DVL2: variants seen among roughly 807,000 people sequenced by gnomAD.
DVL2 encodes dishevelled segment polarity protein 2, also known as segment polarity protein dishevelled homolog DVL-2.
In DVL2, 38 loss-of-function variants were observed where a neutral mutation model predicts 69.8. That is an observed-to-expected ratio of 0.54 (90% CI 0.42 to 0.71). The LOEUF (loss-of-function observed/expected upper bound fraction) is 0.71, where lower values mean the gene tolerates loss of function less well. DVL2 is among the 30% of genes least tolerant of loss of function. DVL2 has a pLI of 0.00. For missense variants in DVL2, 931 were observed against 1,008.1 expected, an observed-to-expected ratio of 0.92 and a Z score of 1.04; for synonymous variants, 428 against 392.4, an observed-to-expected ratio of 1.09 and a Z score of -1.07.
At position 7,227,203 on chromosome 17, in the gene DVL2, T is replaced by C; in HGVS notation, c.1430A>G (p.Lys477Arg). ...TGCTTTGAGCAGCCCGCTGGCATAC[T>C]TGCGGGCCTCCCGCCGCTCAGGAAA... ...EGFPERREARKYASGLLKAGL... is the reference protein window; with the variant it reads ...EGFPERREARRYASGLLKAGL... The change falls in exon 13 of 15, where the codon AAG becomes AGG. Residue 477 changes from lysine to arginine, a missense_variant. Around this residue, in one of 3 missense-constraint regions of DVL2, gnomAD observed 62 missense variants for 105.7 expected, o/e 0.59. Coordinates refer to ENST00000005340, the MANE Select transcript of DVL2 (RefSeq NM_004422.3). 2 of 1,613,300 alleles carry C rather than the reference T, an allele frequency of 1.2e-6. No homozygotes were observed. Among genetic ancestry groups the C allele is most frequent in the African/African-American group, 1.3e-5 (1 of 75,060 alleles).
chr17:7,226,189 G>A lies in DVL2; in HGVS notation c.1887C>T (p.Gly629=). 6.2e-7 allele frequency: 1 copy of A among 1,612,010 alleles called. No individual in the cohort carries two copies. The highest frequency in any genetic ancestry group is 8.5e-7 in the Non-Finnish European group (1 of 1,179,326). ...GSESEPSSRG[G]SLRRGGEASG... is the part of the protein sequence containing the mutation. ...TTGCTTCCCCACCCCGCCGAAGGCT[G>A]CCCCCTCGGCTGGAGGGCTCAGACT... The change falls in exon 15 of 15, where the codon GGC becomes GGT. Residue 629 remains glycine (G), a synonymous_variant. Coordinates refer to ENST00000005340, the MANE Select transcript of DVL2 (RefSeq NM_004422.3).
chr17:7,229,642 G>A lies in DVL2; in HGVS notation c.693C>T (p.Arg231=). Residue 231 remains arginine, a synonymous_variant, in exon 6 of 15, where the codon CGC becomes CGT. Coordinates refer to ENST00000005340, the MANE Select transcript of DVL2 (RefSeq NM_004422.3). This position sits in a 1 kb window ranked among gnomAD's most constrained non-coding sequence, Gnocchi z 4.4. The part of the protein sequence containing the change: ...SSSTEQSSAS[R]LLKRHRRRRK... ...TTCGCCGCCGGTGGCGCTTAAGGAG[G>A]CGGGAGGCACTGCTCTGCTCCGTGG... 1.3e-6 allele frequency: 2 copies of A among 1,552,472 alleles called. No individual in the cohort carries two copies. The highest frequency in any genetic ancestry group is 1.7e-6 in the Non-Finnish European group (2 of 1,150,646).
rs2071426980 is a variant in DVL2, at chr17:7,225,448, G to A, written c.*417C>T. ...AATCTCCCAGCTTCCTCAGGCTGCT[G>A]TCTAGGATGCCTAACCCCGGGGTAC... On this transcript the variant is annotated 3_prime_UTR_variant, in exon 15 of 15. Coordinates refer to ENST00000005340, the MANE Select transcript of DVL2 (RefSeq NM_004422.3). 2.3e-6 allele frequency: 1 copy of A among 438,314 alleles called. No individual in the cohort carries two copies. Among genetic ancestry groups the A allele is most frequent in the Admixed American group, 3.8e-5 (1 of 26,616 alleles). The allele number at this position is 438,314 out of a possible 1,614,324, so 27.2% of individuals were successfully genotyped here. A position where few individuals can be genotyped will look rare whatever the true frequency, so the allele number is the denominator to read the frequency against.
In DVL2 at chr17:7,234,400, A is replaced by T. The variant is rs1218366246; in HGVS notation, c.-138T>A. The T allele has an allele frequency of 2.0e-6, 2 of 1,011,530 alleles. No individual in the cohort carries two copies. The highest frequency in any genetic ancestry group is 5.7e-5 in the East Asian group (2 of 35,202). 62.7% of individuals were successfully genotyped at this position (1,011,530 alleles called of 1,614,324 possible). ...TACGGGAGAGAAGCAAAGGGGAAAA[A>T]GCACGGATCTGCGAGGGTGGCGGCG... On this transcript the variant is annotated 5_prime_UTR_variant, in exon 1 of 15. Coordinates refer to ENST00000005340, the MANE Select transcript of DVL2 (RefSeq NM_004422.3).
At chr17:7,231,449 A>AC (rs2071542120) in intron 1 of DVL2, among the ~76,000 whole-genome samples, 1 of 50,698 alleles carries the variant, frequency 2.0e-5, no homozygotes, top group Admixed American at 1.9e-4. Context: ...GGCGGCTCAA[A>AC]AAAAAAAAAA....
Position 7,234,513 on chromosome 17 carries a change from T to C in DVL2, c.-251A>G, listed in dbSNP as rs900484653. ...ACCGACGCCGCGAGCTTCCTCCAGGTACCCGCCCACCTCTCCTCATGTCAC... is the reference window on the plus strand; with the variant it reads ...ACCGACGCCGCGAGCTTCCTCCAGGCACCCGCCCACCTCTCCTCATGTCAC... On this transcript the variant is annotated 5_prime_UTR_variant, in exon 1 of 15. Coordinates refer to ENST00000005340, the MANE Select transcript of DVL2 (RefSeq NM_004422.3). 2.9e-5 allele frequency: 15 copies of C among 521,000 alleles called. No individual in the cohort carries two copies. Among genetic ancestry groups the C allele is most frequent in the South Asian group, 2.0e-4 (8 of 40,294 alleles). 32.3% of individuals were successfully genotyped at this position (521,000 alleles called of 1,614,324 possible).
chr17:7,227,587 C>A, intron 11 of DVL2, 52 bp from the exon 12 acceptor site: 1 of 1,613,472 alleles, frequency 6.2e-7, no homozygotes, highest in Non-Finnish European at 8.5e-7. Flanking sequence ...CCCACAAGGG[C>A]AATGGATCAG....
chr17:7,228,671 C>G (rs554170470), intron 9 of DVL2: 34 of 365,446 alleles, frequency 9.3e-5, no homozygotes, highest in African/African-American at 6.0e-4. Flanking sequence ...ACCTCCACCC[C>G]CCAGGGTTCA....
rs374442118 is a variant in DVL2, at chr17:7,227,187, C to T, written c.1446G>A (p.Leu482=). The T allele has an allele frequency of 4.3e-6, 7 of 1,614,004 alleles. 1 individual carries two copies. ...TGTGTCGGATCAGGCCTGCTTTGAG[C>T]AGCCCGCTGGCATACTTGCGGGCCT... is the stretch of plus-strand genomic sequence containing the variant. ...RREARKYASG[L]LKAGLIRHTV... The change falls in exon 13 of 15, where the codon CTG becomes CTA. Residue 482 remains leucine (L), a synonymous_variant. Transcript: ENST00000005340.
chr17:7,228,751 T>G, intron 9 of DVL2: 1 of 535,230 alleles, frequency 1.9e-6, no homozygotes, highest in Non-Finnish European at 3.4e-6. Context: ...CCACTTAATT[T>G]TTCTATTTTT....
At position 7,234,396 on chromosome 17, in the gene DVL2, A is replaced by G; in HGVS notation, c.-134T>C. On this transcript the variant is annotated 5_prime_UTR_variant, in exon 1 of 15. Coordinates refer to ENST00000005340, the MANE Select transcript of DVL2 (RefSeq NM_004422.3). ...CCAGTACGGGAGAGAAGCAAAGGGG[A>G]AAAAGCACGGATCTGCGAGGGTGGC... 9.6e-7 allele frequency: 1 copy of G among 1,047,068 alleles called. No homozygotes were observed. The highest frequency in any genetic ancestry group is 1.4e-6 in the Non-Finnish European group (1 of 738,782). 64.9% of individuals were successfully genotyped at this position (1,047,068 alleles called of 1,614,324 possible).
Position 7,234,308 on chromosome 17 carries a change from TA to T in DVL2, c.-47del. 6.3e-7 allele frequency: 1 copy of T among 1,574,820 alleles called. No homozygotes were observed. Among genetic ancestry groups the T allele is most frequent in the African/African-American group, 1.4e-5 (1 of 73,078 alleles). The stretch of plus-strand genomic sequence containing the variant: ...GGGCTCCACCGCCCACCCAAAGGGC[TA>T]ATGGCCCCTGCCGCGCCTGCGCACA... On this transcript the variant is annotated 5_prime_UTR_variant, in exon 1 of 15. Coordinates refer to ENST00000005340, the MANE Select transcript of DVL2 (RefSeq NM_004422.3).
rs369818238 is a variant in DVL2, at chr17:7,229,036, T to A, written c.967A>T (p.Met323Leu). Residue 323 changes from methionine to leucine, a missense_variant, in exon 9 of 15, where the codon ATG becomes TTG. Transcript: ENST00000005340. This position sits in a 1 kb window ranked among gnomAD's most constrained non-coding sequence, Gnocchi z 4.4. ...PGDMLLQVNDMNFENMSNDDA... is the reference protein window; with the variant it reads ...PGDMLLQVNDLNFENMSNDDA... The stretch of plus-strand genomic sequence containing the variant: ...TCGTTGCTCATGTTCTCAAAGTTCA[T>A]GTCATTCACCTGGAAGCGACGGCAA... The A allele has an allele frequency of 1.5e-5, 25 of 1,614,034 alleles. No individual in the cohort carries two copies. In the African/African-American group the frequency reaches 2.8e-4, roughly 18 times the overall value.
In DVL2 at chr17:7,227,139, A is replaced by G. The variant is rs2071469131; in HGVS notation, c.1494T>C (p.Ser498=). 1 of 1,614,098 alleles carries G rather than the reference A, an allele frequency of 6.2e-7. No individual in the cohort carries two copies. The highest frequency in any genetic ancestry group is 1.3e-5 in the African/African-American group (1 of 74,958). The part of the protein sequence containing the change: ...IRHTVNKITF[S]EQCYYVFGDL... ...CTCCGAAGACGTAATAGCACTGCTC[A>G]GAGAAGGTGATCTTGTTGACGGTGT... The change falls in exon 13 of 15, where the codon TCT becomes TCC. Residue 498 remains serine (S), a synonymous_variant. Coordinates refer to ENST00000005340, the MANE Select transcript of DVL2 (RefSeq NM_004422.3).
rs1175355560 is a variant in DVL2 at position 7,230,438 on chromosome 17, G to A, written c.265-8C>T. The A allele has an allele frequency of 1.2e-6, 2 of 1,613,336 alleles. No individual in the cohort carries two copies. The highest frequency in any genetic ancestry group is 1.3e-5 in the African/African-American group (1 of 75,000). On this transcript the variant is annotated splice_polypyrimidine_tract_variant and splice_region_variant and intron_variant, in intron 2 of 14. Coordinates refer to ENST00000005340, the MANE Select transcript of DVL2 (RefSeq NM_004422.3). Reference sequence around the variant, plus strand: ...ATTATCTGAGGACACCAGCTAGAAGGGTGCAAATGATAAACAGTGGCTCAC... The same window carrying A: ...ATTATCTGAGGACACCAGCTAGAAGAGTGCAAATGATAAACAGTGGCTCAC...
chr17:7,227,674 A>C lies in DVL2; in HGVS notation c.1212T>G (p.Ser404=). 6.2e-7 allele frequency: 1 copy of C among 1,614,122 alleles called. No individual in the cohort carries two copies. Among genetic ancestry groups the C allele is most frequent in the Non-Finnish European group, 8.5e-7 (1 of 1,180,004 alleles). Residue 404 remains serine (S), a synonymous_variant, in exon 11 of 15, where the codon TCT becomes TCG. Coordinates refer to ENST00000005340, the MANE Select transcript of DVL2 (RefSeq NM_004422.3). ...GCTCACCATCAGGCAAAGACGATCCAGATGTAATGGTGCTCATGGAGGAGG... is the reference window on the plus strand; with the variant it reads ...GCTCACCATCAGGCAAAGACGATCCCGATGTAATGGTGCTCATGGAGGAGG... ...PGSSSMSTIT[S]GSSLPDGCEG...
chr17:7,231,418 G>A (rs949751949), intron 1 of DVL2, among the ~76,000 whole-genome samples: 3 of 142,114 alleles, frequency 2.1e-5, no homozygotes, highest in African/African-American at 5.3e-5. Context: ...AGTCGAGATC[G>A]CGCCACTGCA....
At position 7,234,458 on chromosome 17, in the gene DVL2, C is replaced by G. The variant is rs1292414021; in HGVS notation, c.-196G>C. On this transcript the variant is annotated 5_prime_UTR_variant, in exon 1 of 15. Coordinates refer to ENST00000005340, the MANE Select transcript of DVL2 (RefSeq NM_004422.3). ...GGCCGCGGGGTGCGACTCAAAGCCC[C>G]GGTCTCAGCGGCCGCCGCGCGCCAC... 6.5e-6 allele frequency: 4 copies of G among 617,942 alleles called. No individual in the cohort carries two copies. The highest frequency in any genetic ancestry group is 2.3e-5 in the South Asian group (1 of 42,914). The allele number at this position is 617,942 out of a possible 1,614,324, so 38.3% of individuals were successfully genotyped here. A position where few individuals can be genotyped will look rare whatever the true frequency, so the allele number is the denominator to read the frequency against.
At chr17:7,226,987 T>A (rs1780069040) in intron 13 of DVL2, 103 bp downstream of exon 13, 1 of 1,197,836 alleles carries the variant, frequency 8.3e-7, no homozygotes, top group African/African-American at 1.5e-5. Context: ...TGCTCGACCA[T>A]CCATGGTGGC....
Sources: gnomAD v4.1 joint callset for allele counts (sites outside exome capture counted in the v4.1 genomes callset) on GRCh38, gnomAD v4.1.1 for gene constraint, gnomAD v4.1.1 regional missense constraint, Gnocchi (gnomAD v3.1) non-coding constraint, MANE v1.5 for transcripts, NCBI Gene and HGNC (gene_info 2026-07-23, HGNC 2026-07-21) for gene names.